CNTN5: variants seen among roughly 807,000 people sequenced by gnomAD.
The protein encoded by CNTN5 is contactin 5, also known as contactin-5.
CNTN5 carries 77 observed loss-of-function variants against 129.1 expected under a neutral mutation model. That is an observed-to-expected ratio of 0.60 (90% CI 0.50 to 0.72). The LOEUF is 0.72. CNTN5 is among the 30% of genes least tolerant of loss of function. CNTN5 has a pLI of 0.00. For synonymous variants in CNTN5, 509 were observed against 465.6 expected (o/e 1.09, Z -1.20); for missense variants, 1,478 against 1,328.8 (o/e 1.11, Z -1.75).
chr11:99,524,966 C>T (rs904244118), intron 2 of CNTN5, among the ~76,000 whole-genome samples: 2 of 151,990 alleles, frequency 1.3e-5, no homozygotes, highest in African/African-American at 4.8e-5. Flanking sequence ...TTCTTAACAA[C>T]AAGTGAAAAT....
chr11:99,101,467 T>C (rs1228824683), intron 1 of CNTN5, among the ~76,000 whole-genome samples: 3 of 152,168 alleles, frequency 2.0e-5, no homozygotes, highest in Non-Finnish European at 4.4e-5. Context: ...CCCTTCCACC[T>C]ATGAGCCTGT....
At chr11:99,560,308 T>TA (rs2135548609) in intron 3 of CNTN5, among the ~76,000 whole-genome samples, 1 of 144,456 alleles carries the variant, frequency 6.9e-6, no homozygotes, top group South Asian at 2.2e-4. Context: ...TTATTATTAT[T>TA]TTGAGATGGA....
At chr11:99,971,671 C>T (rs1304102160) in intron 8 of CNTN5, among the ~76,000 whole-genome samples, 2 of 151,920 alleles carry the variant, frequency 1.3e-5, no homozygotes, top group African/African-American at 4.8e-5. Flanking sequence ...AGGTATTTCG[C>T]TACCCATGAG....
At chr11:100,005,202 T>C (rs1025811949) in intron 9 of CNTN5, among the ~76,000 whole-genome samples, 5 of 152,156 alleles carry the variant, frequency 3.3e-5, no homozygotes, top group African/African-American at 1.2e-4. Flanking sequence ...ATCTACTTAA[T>C]CCAATCAACT....
intron 16 of CNTN5, among the ~76,000 whole-genome samples, chr11:100,249,604 G>C (rs1949919781): frequency 6.6e-6 from 1 of 152,174 alleles, no homozygotes; most frequent in African/African-American, 2.4e-5. Flanking sequence ...GATTTCTACT[G>C]AATGAGTGGC....
chr11:99,507,763 G>T (rs953612305), intron 2 of CNTN5, among the ~76,000 whole-genome samples: 1 of 152,060 alleles, frequency 6.6e-6, no homozygotes, highest in Admixed American at 6.5e-5. Flanking sequence ...TTCATCAAGT[G>T]TAAATATGTT....
intron 18 of CNTN5, among the ~76,000 whole-genome samples, chr11:100,275,573 A>G (rs1950493157): frequency 6.6e-6 from 1 of 152,080 alleles, no homozygotes; most frequent in African/African-American, 2.4e-5. Flanking sequence ...TTGTGCTATT[A>G]AAAAGCATTT....
intron 1 of CNTN5, among the ~76,000 whole-genome samples, chr11:99,226,839 C>T (rs1860713325): frequency 6.6e-6 from 1 of 152,126 alleles, no homozygotes; most frequent in African/African-American, 2.4e-5. Flanking sequence ...CAAAACAGAG[C>T]TCCATGCTAA....
intron 7 of CNTN5, among the ~76,000 whole-genome samples, chr11:99,932,423 C>G (rs1950213815): frequency 6.6e-6 from 1 of 152,052 alleles, no homozygotes. Flanking sequence ...GAACTCCTGA[C>G]CTCAGGTGAT....
At chr11:100,143,501 G>A (rs1303426748) in intron 13 of CNTN5, among the ~76,000 whole-genome samples, 1 of 151,986 alleles carries the variant, frequency 6.6e-6, no homozygotes, top group Non-Finnish European at 1.5e-5. Context: ...TTTTTCTCTT[G>A]GGTCAGATTT....
intron 2 of CNTN5, among the ~76,000 whole-genome samples, chr11:99,501,242 C>T (rs920400827): frequency 3.3e-5 from 5 of 152,104 alleles, no homozygotes; most frequent in Admixed American, 6.6e-5. Flanking sequence ...ATAATTGGGA[C>T]GCTCAGTGAC....
intron 7 of CNTN5, among the ~76,000 whole-genome samples, chr11:99,923,801 A>T (rs1161943062): frequency 6.7e-6 from 1 of 150,200 alleles, no homozygotes; most frequent in Admixed American, 6.6e-5. Context: ...CTATCTATCT[A>T]TCTATCTGAC....
intron 3 of CNTN5, among the ~76,000 whole-genome samples, chr11:99,709,652 A>T (rs1333709171): frequency 6.6e-6 from 1 of 151,900 alleles, no homozygotes; most frequent in Non-Finnish European, 1.5e-5. Flanking sequence ...GAACAATTGC[A>T]AATTAACAGG....
chr11:99,233,247 A>G (rs1380099680), intron 1 of CNTN5, among the ~76,000 whole-genome samples: 1 of 152,218 alleles, frequency 6.6e-6, no homozygotes, highest in Non-Finnish European at 1.5e-5. Flanking sequence ...ACTTGGTGCT[A>G]AGGAATAATT....
intron 23 of CNTN5, among the ~76,000 whole-genome samples, chr11:100,344,418 G>A (rs985918970): frequency 6.6e-6 from 1 of 152,058 alleles, no homozygotes; most frequent in Non-Finnish European, 1.5e-5. Flanking sequence ...ATACAGGATA[G>A]ACATTCTGAA....
At chr11:100,183,925 C>G (rs1371217974) in intron 13 of CNTN5, among the ~76,000 whole-genome samples, 1 of 152,132 alleles carries the variant, frequency 6.6e-6, no homozygotes, top group East Asian at 1.9e-4. Context: ...CTGACCATCT[C>G]TCTGTTGCCA....
At chr11:100,225,789 G>A (rs1949360515) in intron 16 of CNTN5, among the ~76,000 whole-genome samples, 1 of 152,006 alleles carries the variant, frequency 6.6e-6, no homozygotes, top group Admixed American at 6.6e-5. Flanking sequence ...ATCATCTATA[G>A]CAAGAAACTA....
At chr11:99,952,789 T>C (rs1950708326) in intron 7 of CNTN5, among the ~76,000 whole-genome samples, 1 of 152,132 alleles carries the variant, frequency 6.6e-6, no homozygotes, top group Non-Finnish European at 1.5e-5. Flanking sequence ...AACAAAAAAA[T>C]AGGGATTTTG....
At chr11:100,036,028 G>A (rs913248386) in intron 9 of CNTN5, among the ~76,000 whole-genome samples, 7 of 151,944 alleles carry the variant, frequency 4.6e-5, no homozygotes, top group East Asian at 1.9e-4. Flanking sequence ...TGTTTGAGAC[G>A]TGAAGTCCTT....
Sources: gnomAD v4.1 joint callset for allele counts (sites outside exome capture counted in the v4.1 genomes callset) on GRCh38, gnomAD v4.1.1 for gene constraint, MANE v1.5 for transcripts, NCBI Gene and HGNC (gene_info 2026-07-23, HGNC 2026-07-21) for gene names.